The following CNTN4 variants were observed in gnomAD, a reference collection of about 807,000 sequenced individuals.
CNTN4 encodes contactin 4.
Under a neutral mutation model 122.5 loss-of-function variants are expected in CNTN4, and 77 were observed. The ratio of observed to expected loss-of-function variants is 0.63; its 90% CI spans 0.52 to 0.76. The LOEUF (loss-of-function observed/expected upper bound fraction) is 0.76. Ranked by LOEUF, CNTN4 falls within the 30% of genes least tolerant of loss-of-function variation. The probability of loss-of-function intolerance (pLI) is 0.00; values close to 1 mark genes in which losing one functional copy is unlikely to be tolerated. For missense variants in CNTN4, 1,256 were observed against 1,259.1 expected (o/e 1.00, Z 0.04); for synonymous variants, 512 against 447.0 (o/e 1.15, Z -1.83).
chr3:2,334,404 C>T (rs186173475), intron 2 of CNTN4, among the ~76,000 whole-genome samples: 4 of 152,072 alleles, frequency 2.6e-5, no homozygotes, highest in East Asian at 3.9e-4. Context: ...AGTGATCTGC[C>T]CCCTTCGGCC....
intron 23 of CNTN4, among the ~76,000 whole-genome samples, chr3:3,046,557 C>T (rs377586050): frequency 6.6e-6 from 1 of 151,976 alleles, no homozygotes; most frequent in Non-Finnish European, 1.5e-5. Flanking sequence ...GAAATAAAAT[C>T]CTTTACAGAC....
chr3:2,147,135 T>TCA (rs1262740818), intron 2 of CNTN4, among the ~76,000 whole-genome samples: 1 of 152,130 alleles, frequency 6.6e-6, no homozygotes, highest in African/African-American at 2.4e-5. Context: ...CACCTTGGCC[T>TCA]CCCAAAGTGC....
At chr3:2,331,229 AT>A (rs1230315132) in intron 2 of CNTN4, among the ~76,000 whole-genome samples, 4 of 152,018 alleles carry the variant, frequency 2.6e-5, no homozygotes, top group Non-Finnish European at 5.9e-5. Flanking sequence ...ATGGGCTTCA[AT>A]TTTTTTTGAA....
intron 3 of CNTN4, among the ~76,000 whole-genome samples, chr3:2,542,040 G>T (rs1474483954): frequency 6.6e-6 from 1 of 152,122 alleles, no homozygotes; most frequent in Non-Finnish European, 1.5e-5. Context: ...CCTGGTACAG[G>T]ACACTCTGCA....
intron 2 of CNTN4, among the ~76,000 whole-genome samples, chr3:2,185,475 AG>A (rs1559322281): frequency 7.4e-4 from 113 of 152,194 alleles, no homozygotes; most frequent in African/African-American, 2.6e-3. Flanking sequence ...AGGGGATTCG[AG>A]CTCTTGCTAC....
chr3:3,009,036 GT>G, intron 14 of CNTN4: 1 of 985,444 alleles, frequency 1.0e-6, no homozygotes, highest in Non-Finnish European at 1.2e-6. Flanking sequence ...CAAGCCTGGT[GT>G]TATTAGCACA....
At chr3:2,180,953 G>A (rs894371491) in intron 2 of CNTN4, among the ~76,000 whole-genome samples, 5 of 152,008 alleles carry the variant, frequency 3.3e-5, no homozygotes, top group African/African-American at 1.2e-4. Context: ...ATATTGCCTA[G>A]CCATCTGGTT....
intron 4 of CNTN4, among the ~76,000 whole-genome samples, chr3:2,719,614 G>T (rs1286716608): frequency 2.0e-5 from 3 of 152,134 alleles, no homozygotes; most frequent in African/African-American, 7.2e-5. Context: ...AGTAGAGACG[G>T]GGTTTCACCA....
chr3:2,310,317 C>T (rs1224956011), intron 2 of CNTN4, among the ~76,000 whole-genome samples: 1 of 152,068 alleles, frequency 6.6e-6, no homozygotes, highest in African/African-American at 2.4e-5. Context: ...TTAAAGTCCC[C>T]CAGGCTAACA....
chr3:2,354,060 A>C (rs752451234), intron 3 of CNTN4, among the ~76,000 whole-genome samples: 5 of 152,244 alleles, frequency 3.3e-5, no homozygotes, highest in Admixed American at 6.5e-5. Flanking sequence ...AGTAGGTTCC[A>C]ACATCTCATA....
At chr3:2,547,854 G>A (rs1382152279) in intron 3 of CNTN4, among the ~76,000 whole-genome samples, 2 of 152,064 alleles carry the variant, frequency 1.3e-5, no homozygotes, top group African/African-American at 4.8e-5. Flanking sequence ...AAAATCCACA[G>A]ATCCCCAGGA....
chr3:2,663,099 C>T (rs939576941), intron 4 of CNTN4, among the ~76,000 whole-genome samples: 2 of 129,016 alleles, frequency 1.6e-5, no homozygotes, highest in Non-Finnish European at 3.2e-5. Flanking sequence ...GAGACTCTGT[C>T]TCAGAAGAAA....
At chr3:2,741,600 A>C (rs1272674285) in intron 5 of CNTN4, among the ~76,000 whole-genome samples, 1 of 152,230 alleles carries the variant, frequency 6.6e-6, no homozygotes, top group African/African-American at 2.4e-5. Context: ...TATTAAACCC[A>C]AGGCTAAATC....
intron 8 of CNTN4, among the ~76,000 whole-genome samples, chr3:2,877,135 G>A (rs2093853498): frequency 6.6e-6 from 1 of 152,168 alleles, no homozygotes; most frequent in South Asian, 2.1e-4. Flanking sequence ...TCAATAAACA[G>A]TTATTGCCTG....
chr3:2,965,794 C>A (rs184112754), intron 13 of CNTN4, among the ~76,000 whole-genome samples: 6 of 152,248 alleles, frequency 3.9e-5, no homozygotes, highest in Admixed American at 3.9e-4. Context: ...ACAGTTAATG[C>A]TCTGACAATG....
chr3:2,905,204 T>A (rs1440561584), intron 12 of CNTN4, among the ~76,000 whole-genome samples: 1 of 152,236 alleles, frequency 6.6e-6, no homozygotes, highest in Non-Finnish European at 1.5e-5. Flanking sequence ...AATGAATTTT[T>A]GATCTGAGCT....
chr3:2,642,740 C>T (rs1022006423), intron 4 of CNTN4, among the ~76,000 whole-genome samples: 3 of 152,166 alleles, frequency 2.0e-5, no homozygotes, highest in African/African-American at 7.2e-5. Flanking sequence ...TATTTCTGCA[C>T]TTAAAAGATA....
chr3:2,646,029 T>C (rs369285568), intron 4 of CNTN4, among the ~76,000 whole-genome samples: 1 of 152,348 alleles, frequency 6.6e-6, no homozygotes, highest in East Asian at 1.9e-4. Flanking sequence ...ACACCAGAGC[T>C]TAGTATTTGT....
chr3:2,844,708 A>T (rs1268156581), intron 7 of CNTN4, among the ~76,000 whole-genome samples: 1 of 152,238 alleles, frequency 6.6e-6, no homozygotes, highest in East Asian at 1.9e-4. Flanking sequence ...TAGGAAGCAT[A>T]TGTAGAGACT....
Sources: gnomAD v4.1 joint callset for allele counts (sites outside exome capture counted in the v4.1 genomes callset) on GRCh38, gnomAD v4.1.1 for gene constraint, MANE v1.5 for transcripts, NCBI Gene and HGNC (gene_info 2026-07-23, HGNC 2026-07-21) for gene names.